BID: variants seen among roughly 807,000 people sequenced by gnomAD.
BID encodes BH3 interacting domain death agonist.
A neutral mutation model predicts 17.4 loss-of-function variants in BID; 19 were observed. The ratio of observed to expected loss-of-function variants is 1.09; its 90% CI spans 0.76 to 1.60. The LOEUF (loss-of-function observed/expected upper bound fraction) is 1.60, where lower values mean the gene tolerates loss of function less well. Ranked by LOEUF, BID falls within the 40% of genes most tolerant of loss-of-function variation. The pLI is 0.00. For missense variants in BID, 226 were observed against 256.0 expected, an observed-to-expected ratio of 0.88 and a Z score of 0.80; for synonymous variants, 108 against 102.8, an observed-to-expected ratio of 1.05 and a Z score of -0.31.
chr22:17,755,056 C>T (rs1363688896), intron 1 of BID, among the ~76,000 whole-genome samples: 1 of 150,578 alleles, frequency 6.6e-6, no homozygotes, highest in African/African-American at 2.4e-5. Context: ...GCCACCGTGC[C>T]TGGCCTGAAT....
At chr22:17,770,853 C>T (rs1034146026) in intron 1 of BID, among the ~76,000 whole-genome samples, 1 of 152,188 alleles carries the variant, frequency 6.6e-6, no homozygotes, top group African/African-American at 2.4e-5. Context: ...GAGCCACAGG[C>T]TGGGGGATCC....
At chr22:17,749,401 A>G (rs2061520216) in intron 2 of BID, among the ~76,000 whole-genome samples, 1 of 152,124 alleles carries the variant, frequency 6.6e-6, no homozygotes, top group Admixed American at 6.6e-5. Flanking sequence ...GTCTCAATCA[A>G]ACTCCTGGCT....
At chr22:17,759,246 C>CAAAACAAAAAAAACA (rs1555906733) in intron 1 of BID, among the ~76,000 whole-genome samples, 2 of 114,784 alleles carry the variant, frequency 1.7e-5, no homozygotes, top group Non-Finnish European at 3.8e-5. Context: ...AAAAACAAAA[C>CAAAACAAAAAAAACA]AAAAAAAAAA....
At chr22:17,745,276 C>A (rs1399286040) in intron 2 of BID, among the ~76,000 whole-genome samples, 1 of 152,122 alleles carries the variant, frequency 6.6e-6, no homozygotes, top group East Asian at 1.9e-4. Context: ...GTCTCGAACT[C>A]CTGACCTCGT....
intron 1 of BID, among the ~76,000 whole-genome samples, chr22:17,765,620 C>T (rs993277206): frequency 5.3e-5 from 8 of 151,992 alleles, no homozygotes; most frequent in African/African-American, 9.7e-5. Flanking sequence ...TAAGTAAACC[C>T]GTAGAAGTTT....
In BID at chr22:17,769,497, G is replaced by A. The variant is rs908549048; in HGVS notation, c.-59+4884C>T. 3.9e-5 allele frequency among the ~76,000 whole-genome samples: 6 copies of A among 152,346 alleles called. No homozygotes were observed. Among genetic ancestry groups the A allele is most frequent in the African/African-American group, 1.4e-4 (6 of 41,590 alleles). Reference sequence around the variant, plus strand: ...AAGTGGGGCTTGGGTAAACAGGAACGGACGTGGCCATCAGGCCGGAAGGGT... The same window carrying A: ...AAGTGGGGCTTGGGTAAACAGGAACAGACGTGGCCATCAGGCCGGAAGGGT... On this transcript the variant is annotated intron_variant, in intron 1 of 5. Transcript: ENST00000622694. This position sits in a 1 kb window ranked among gnomAD's most constrained non-coding sequence, Gnocchi z 4.8.
At chr22:17,750,603 T>C (rs944199797) in intron 1 of BID, among the ~76,000 whole-genome samples, 2 of 151,920 alleles carry the variant, frequency 1.3e-5, no homozygotes, top group Admixed American at 1.3e-4. Flanking sequence ...CCGAGGCGGG[T>C]GGATCATGAG....
At chr22:17,740,392 T>C (rs1401539115) in intron 3 of BID, 8 of 547,206 alleles carry the variant, frequency 1.5e-5, no homozygotes, top group Non-Finnish European at 2.3e-5. Flanking sequence ...TGAGCCGTGA[T>C]TGCACCAGCA....
At chr22:17,759,788 T>C (rs2061622842) in intron 1 of BID, among the ~76,000 whole-genome samples, 2 of 152,116 alleles carry the variant, frequency 1.3e-5, no homozygotes, top group East Asian at 1.9e-4. Context: ...CAAATAACTA[T>C]ATCACCACAA....
At chr22:17,737,234 G>T (rs1300463197) in intron 5 of BID, among the ~76,000 whole-genome samples, 1 of 152,218 alleles carries the variant, frequency 6.6e-6, no homozygotes, top group Non-Finnish European at 1.5e-5. Context: ...ACAGGCTTGA[G>T]CCACCATGCC....
chr22:17,756,981 A>C (rs1215570674), intron 1 of BID, among the ~76,000 whole-genome samples: 1 of 150,296 alleles, frequency 6.7e-6, no homozygotes, highest in African/African-American at 2.4e-5. Flanking sequence ...TCTTTGACTA[A>C]TTTAGGGCCA....
intron 1 of BID, among the ~76,000 whole-genome samples, chr22:17,770,227 G>A (rs759423357): frequency 9.2e-5 from 14 of 152,078 alleles, no homozygotes; most frequent in South Asian, 8.3e-4. Flanking sequence ...AAGCCCTCAC[G>A]CACTCCCAGC....
At position 17,743,864 on chromosome 22, in the gene BID, G is replaced by C; in HGVS notation, c.162C>G (p.Tyr54Ter). The C allele has an allele frequency of 1.9e-6, 3 of 1,613,096 alleles. No individual in the cohort carries two copies. The highest frequency in any genetic ancestry group is 2.5e-6 in the Non-Finnish European group (3 of 1,179,900). Reference sequence around the variant, plus strand: ...GGTTGCCATCAGTCTGCAGCTCATCGTAGCCCTCCCACTGGGGAGCCAGCA... The same window carrying C: ...GGTTGCCATCAGTCTGCAGCTCATCCTAGCCCTCCCACTGGGGAGCCAGCA... ...LPVLAPQWEG[Y>*]DELQTDGNRS... The change falls in exon 3 of 6, where the codon TAC becomes TAG. Residue 54 changes from tyrosine (Y) to a stop codon, truncating the protein, a stop_gained. Transcript: ENST00000622694. LOFTEE classifies it high-confidence loss of function.
intron 1 of BID, among the ~76,000 whole-genome samples, chr22:17,753,264 C>T (rs1344301134): frequency 3.9e-5 from 6 of 152,240 alleles, no homozygotes; most frequent in Admixed American, 2.0e-4. Context: ...CCGCGCCCAG[C>T]CCCCCAATGG....
chr22:17,740,089 G>A (rs377700895), intron 3 of BID: 13 of 1,611,612 alleles, frequency 8.1e-6, no homozygotes, highest in East Asian at 6.7e-5. Context: ...TACCACTGTC[G>A]CAGCTCCATG....
In BID at chr22:17,773,702, A is replaced by C. The variant is rs2061738125; in HGVS notation, c.-59+679T>G. ...CACCGCTGCACATTCGTATTTGTTGAATGAATGAATGAACCCTTGCCAGCC... is the reference window on the plus strand; with the variant it reads ...CACCGCTGCACATTCGTATTTGTTGCATGAATGAATGAACCCTTGCCAGCC... On this transcript the variant is annotated intron_variant, in intron 1 of 5. Transcript: ENST00000622694. This position sits in a 1 kb window ranked among gnomAD's most constrained non-coding sequence, Gnocchi z 4.4. 6.2e-7 allele frequency: 1 copy of C among 1,605,194 alleles called. No homozygotes were observed. Among genetic ancestry groups the C allele is most frequent in the Non-Finnish European group, 8.5e-7 (1 of 1,178,932 alleles).
chr22:17,758,861 T>G (rs1356049587), intron 1 of BID, among the ~76,000 whole-genome samples: 1 of 152,216 alleles, frequency 6.6e-6, no homozygotes, highest in Admixed American at 6.5e-5. Context: ...GCCACTGAAC[T>G]GTACGCTTAA....
In BID at chr22:17,758,394, G is replaced by T. The variant is rs144115553; in HGVS notation, c.-58-8220C>A. Among the ~76,000 whole-genome samples the T allele has an allele frequency of 5.5e-3, 834 of 152,326 alleles. 8 individuals carry two copies. Among genetic ancestry groups the T allele is most frequent in the African/African-American group, 0.019 (769 of 41,564 alleles). On this transcript the variant is annotated intron_variant, in intron 1 of 5. Coordinates refer to ENST00000622694, the MANE Select transcript of BID (RefSeq NM_001196.4). Reference sequence around the variant, plus strand: ...TTTTAGTTTGAGAAAAGGCACAGACGCCAGTCCCTCAAAAAATTAAACCTA... The same window carrying T: ...TTTTAGTTTGAGAAAAGGCACAGACTCCAGTCCCTCAAAAAATTAAACCTA...
intron 2 of BID, among the ~76,000 whole-genome samples, chr22:17,749,749 C>T (rs962328804): frequency 6.6e-6 from 1 of 152,212 alleles, no homozygotes; most frequent in Non-Finnish European, 1.5e-5. Flanking sequence ...CCTCGACCTC[C>T]TGGCCTCAAG....
Sources: allele counts gnomAD v4.1 joint callset (sites outside exome capture counted in the v4.1 genomes callset), GRCh38; gene constraint gnomAD v4.1.1; non-coding constraint Gnocchi (gnomAD v3.1); transcripts MANE v1.5; gene names NCBI Gene and HGNC (gene_info 2026-07-23, HGNC 2026-07-21).